The following FGGY variants were observed in gnomAD, a reference collection of about 807,000 sequenced individuals.
The protein encoded by FGGY is FGGY carbohydrate kinase domain containing, also known as FGGY carbohydrate kinase domain-containing protein.
Under a neutral mutation model 71.3 loss-of-function variants are expected in FGGY, and 72 were observed. The ratio of observed to expected loss-of-function variants is 1.01; its 90% CI spans 0.84 to 1.23. The LOEUF (loss-of-function observed/expected upper bound fraction) is 1.23, where lower values mean the gene tolerates loss of function less well. Among genes scored for constraint, FGGY ranks in the 50% most tolerant of loss-of-function variants. The pLI is 0.00. For missense variants in FGGY, 668 were observed against 682.3 expected, an observed-to-expected ratio of 0.98 and a Z score of 0.23; for synonymous variants, 251 against 250.3, an observed-to-expected ratio of 1.00 and a Z score of -0.02.
chr1:59,757,930 G>A lies in FGGY; in HGVS notation c.1513-1G>A. ...TGTCTATGTTGTTTTCCATTTAATA[G>A]GAAGCAATGGCAAAAATGAGCAAAG... is the stretch of plus-strand genomic sequence containing the variant. On this transcript the variant is annotated splice_acceptor_variant, in intron 14 of 15. Coordinates refer to ENST00000303721, the MANE Select transcript of FGGY (RefSeq NM_018291.5). LOFTEE classifies it high-confidence loss of function. 6.2e-7 allele frequency: 1 copy of A among 1,611,982 alleles called. No individual in the cohort carries two copies.
intron 6 of FGGY, among the ~76,000 whole-genome samples, chr1:59,511,463 C>A (rs1192025458): frequency 6.6e-6 from 1 of 150,910 alleles, no homozygotes; most frequent in Non-Finnish European, 1.5e-5. Context: ...TGAGAGAGGG[C>A]TCGGGCTCTG....
At chr1:59,493,544 C>T (rs556384498) in intron 6 of FGGY, among the ~76,000 whole-genome samples, 1 of 152,096 alleles carries the variant, frequency 6.6e-6, no homozygotes, top group African/African-American at 2.4e-5. Context: ...ACAAAAGGAC[C>T]AATACTGTAT....
chr1:59,461,600 C>G (rs983343419), intron 6 of FGGY, among the ~76,000 whole-genome samples: 5 of 152,048 alleles, frequency 3.3e-5, no homozygotes, highest in Non-Finnish European at 7.4e-5. Flanking sequence ...AGAGCAACCC[C>G]AAGACACATA....
At chr1:59,608,011 G>T in intron 9 of FGGY, 101 bp downstream of exon 9, 2 of 917,052 alleles carry the variant, frequency 2.2e-6, no homozygotes, top group Non-Finnish European at 1.7e-6. Context: ...AGGATTTGCA[G>T]ACCCCTGAAT....
chr1:59,305,777 T>TA (rs1282190509), intron 1 of FGGY, among the ~76,000 whole-genome samples: 7 of 152,248 alleles, frequency 4.6e-5, no homozygotes, highest in Non-Finnish European at 7.3e-5. Context: ...TAATCCTTTT[T>TA]GGTGCTTCTG....
chr1:59,552,674 G>A (rs2095627007), intron 7 of FGGY, among the ~76,000 whole-genome samples: 1 of 152,034 alleles, frequency 6.6e-6, no homozygotes, highest in Non-Finnish European at 1.5e-5. Context: ...AACTTCCTTG[G>A]GCCCCTATAG....
intron 14 of FGGY, among the ~76,000 whole-genome samples, chr1:59,709,308 T>TTAAGCCATCAGCTGGCATGA (rs2097777150): frequency 1.3e-5 from 2 of 152,202 alleles, no homozygotes; most frequent in Non-Finnish European, 2.9e-5. Context: ...ACTGCCACTT[T>TTAAGCCATCAGCTGGCATGA]TAAGCCATCA....
intron 3 of FGGY, among the ~76,000 whole-genome samples, chr1:59,344,758 T>G (rs2051461007): frequency 6.6e-6 from 1 of 152,190 alleles, no homozygotes; most frequent in Admixed American, 6.6e-5. Flanking sequence ...CTTGTTATAC[T>G]ATATTGTTTA....
intron 7 of FGGY, among the ~76,000 whole-genome samples, chr1:59,534,741 A>T (rs2095264227): frequency 6.6e-6 from 1 of 151,052 alleles, no homozygotes; most frequent in South Asian, 2.1e-4. Flanking sequence ...AAGCTTCATA[A>T]GTGAAGGAGA....
At chr1:59,331,765 G>A (rs545313865) in intron 2 of FGGY, 1 of 152,240 alleles carries the variant, frequency 6.6e-6, no homozygotes, top group African/African-American at 2.4e-5. Context: ...ATTCTGCACA[G>A]CCTGACCCTA....
intron 14 of FGGY, among the ~76,000 whole-genome samples, chr1:59,709,573 A>T (rs1253734541): frequency 6.6e-6 from 1 of 152,136 alleles, no homozygotes; most frequent in African/African-American, 2.4e-5. Flanking sequence ...CAGGCCAAGA[A>T]TGAAGTGGCT....
intron 4 of FGGY, among the ~76,000 whole-genome samples, chr1:59,349,556 ATAGT>A (rs1382266133): frequency 6.6e-6 from 1 of 152,190 alleles, no homozygotes; most frequent in African/African-American, 2.4e-5. Context: ...CCCATAGGAA[ATAGT>A]TAAAGTCTAG....
At chr1:59,472,516 C>T (rs1002818745) in intron 6 of FGGY, among the ~76,000 whole-genome samples, 4 of 152,244 alleles carry the variant, frequency 2.6e-5, no homozygotes, top group Non-Finnish European at 4.4e-5. Context: ...AGCCCCGGTG[C>T]GGGATCCACT....
chr1:59,367,609 G>T (rs1486478347), intron 4 of FGGY, among the ~76,000 whole-genome samples: 3 of 152,206 alleles, frequency 2.0e-5, no homozygotes. Flanking sequence ...TTTGTAACTG[G>T]TCATGCCTAT....
intron 14 of FGGY, among the ~76,000 whole-genome samples, chr1:59,682,345 A>G (rs78096599): frequency 0.021 from 3,160 of 152,164 alleles, 118 homozygotes; most frequent in African/African-American, 0.072. Flanking sequence ...ATTTAAATGT[A>G]TATCAAAATA....
At chr1:59,600,652 T>G (rs2096568364) in intron 8 of FGGY, among the ~76,000 whole-genome samples, 1 of 152,210 alleles carries the variant, frequency 6.6e-6, no homozygotes, top group Non-Finnish European at 1.5e-5. Flanking sequence ...TTAACATGCC[T>G]TGAGAGCATA....
At chr1:59,420,212 C>T (rs1288813135) in intron 5 of FGGY, among the ~76,000 whole-genome samples, 1 of 152,114 alleles carries the variant, frequency 6.6e-6, no homozygotes, top group Non-Finnish European at 1.5e-5. Context: ...TCTCTCTGTA[C>T]ATCCTGACTC....
At chr1:59,652,792 G>A (rs979820049) in intron 11 of FGGY, among the ~76,000 whole-genome samples, 4 of 152,148 alleles carry the variant, frequency 2.6e-5, no homozygotes, top group Admixed American at 2.0e-4. Flanking sequence ...TCCGTTGCTG[G>A]TGAGGAACTG....
intron 6 of FGGY, among the ~76,000 whole-genome samples, chr1:59,493,287 G>A (rs2093935280): frequency 6.6e-6 from 1 of 152,070 alleles, no homozygotes; most frequent in South Asian, 2.1e-4. Flanking sequence ...TTCATTTCTG[G>A]CCATATACCC....
Sources: allele counts gnomAD v4.1 joint callset (sites outside exome capture counted in the v4.1 genomes callset), GRCh38; gene constraint gnomAD v4.1.1; transcripts MANE v1.5; gene names NCBI Gene and HGNC (gene_info 2026-07-23, HGNC 2026-07-21).